Variants in SLC9A4 observed in about 807,000 individuals in gnomAD.
SLC9A4 encodes the protein sodium/hydrogen exchanger 4.
SLC9A4 carries 63 observed loss-of-function variants against 67.4 expected under a neutral mutation model. The ratio of observed to expected loss-of-function variants is 0.93; its 90% CI spans 0.76 to 1.15. The LOEUF (loss-of-function observed/expected upper bound fraction) is 1.15, where lower values mean the gene tolerates loss of function less well. SLC9A4 is among the 50% of genes most tolerant of loss of function. SLC9A4 has a pLI of 0.00. For synonymous variants in SLC9A4, 393 were observed against 367.2 expected (o/e 1.07, Z -0.80); for missense variants, 1,089 against 987.7 (o/e 1.10, Z -1.38).
chr2:102,482,078 G>C (rs1684477117), intron 2 of SLC9A4, among the ~76,000 whole-genome samples: 1 of 152,164 alleles, frequency 6.6e-6, no homozygotes, highest in Non-Finnish European at 1.5e-5. Flanking sequence ...GAATCATCAG[G>C]CTGGTGCATT....
chr2:102,493,753 A>G (rs1042407148), intron 2 of SLC9A4, among the ~76,000 whole-genome samples: 2 of 151,840 alleles, frequency 1.3e-5, no homozygotes, highest in Non-Finnish European at 2.9e-5. Flanking sequence ...CCCACAACTC[A>G]TAGTTGTTCA....
At chr2:102,517,018 GATTGCA>G (rs1334132826) in intron 8 of SLC9A4, among the ~76,000 whole-genome samples, 2 of 152,138 alleles carry the variant, frequency 1.3e-5, no homozygotes, top group African/African-American at 4.8e-5. Context: ...TTTTCTAATG[GATTGCA>G]CATTGACAGG....
At chr2:102,480,357 CTTG>C (rs1417631769) in intron 2 of SLC9A4, among the ~76,000 whole-genome samples, 198 of 147,262 alleles carry the variant, frequency 1.3e-3, no homozygotes, top group African/African-American at 4.8e-3. Flanking sequence ...CTTTCCGTGT[CTTG>C]TTTTTTTTTT....
At chr2:102,491,789 G>T (rs1684707998) in intron 2 of SLC9A4, among the ~76,000 whole-genome samples, 1 of 152,106 alleles carries the variant, frequency 6.6e-6, no homozygotes, top group South Asian at 2.1e-4. Flanking sequence ...ACTCATTTCA[G>T]CATTAACTCA....
chr2:102,524,915 G>T, intron 9 of SLC9A4, 109 bp from the exon 10 acceptor site: 2 of 1,328,022 alleles, frequency 1.5e-6, no homozygotes, highest in Non-Finnish European at 1.1e-6. Flanking sequence ...TGACCTCCAA[G>T]GTGCTCACCT....
Position 102,474,575 on chromosome 2 carries a change from A to G in SLC9A4, c.256+560A>G, listed in dbSNP as rs539631050. Among the ~76,000 whole-genome samples the G allele has an allele frequency of 5.1e-4, 77 of 152,332 alleles. 1 individual carries two copies. The highest frequency in any genetic ancestry group is 6.8e-3 in the Middle Eastern group (2 of 294). The stretch of plus-strand genomic sequence containing the variant: ...ATAAGATTATATCTGTCAGTAAAAT[A>G]TTAGTTTATACCTACCAAGTGGGGC... On this transcript the variant is annotated intron_variant, in intron 1 of 11. Transcript: ENST00000295269.
intron 2 of SLC9A4, among the ~76,000 whole-genome samples, chr2:102,483,121 G>A (rs748867243): frequency 3.3e-5 from 5 of 152,172 alleles, no homozygotes; most frequent in Admixed American, 1.3e-4. Flanking sequence ...TCAAGCTACC[G>A]GAGTATCTGC....
At chr2:102,500,324 G>A (rs772633498) in intron 2 of SLC9A4, among the ~76,000 whole-genome samples, 10 of 152,142 alleles carry the variant, frequency 6.6e-5, no homozygotes, top group African/African-American at 2.2e-4. Context: ...TTCAGGGGGC[G>A]CGTAGCACTG....
rs1685366705 is a variant in SLC9A4 at position 102,519,970 on chromosome 2, C to T, written c.1818+15C>T. On this transcript the variant is annotated intron_variant, in intron 9 of 11. Coordinates refer to ENST00000295269, the MANE Select transcript of SLC9A4 (RefSeq NM_001011552.4). ...TTCGGCAAAGGGTGTGTATGAGCCA[C>T]CTGTGTTGTCCCCATTTTCTGTCCT... 2 of 1,608,716 alleles carry T rather than the reference C, an allele frequency of 1.2e-6. No homozygotes were observed. The highest frequency in any genetic ancestry group is 1.7e-6 in the Non-Finnish European group (2 of 1,175,382).
In SLC9A4 at chr2:102,473,280, G is replaced by C. The variant is rs1684258812; in HGVS notation, c.-480G>C. On this transcript the variant is annotated 5_prime_UTR_variant, in exon 1 of 12. Transcript: ENST00000295269. Reference sequence around the variant, plus strand: ...GAGAGAAGGAACAAGCGCAGATCAGGTAGCTCCTTCTTGGGATCTGATAGA... The same window carrying C: ...GAGAGAAGGAACAAGCGCAGATCAGCTAGCTCCTTCTTGGGATCTGATAGA... 1 of 154,612 alleles carries C rather than the reference G, an allele frequency of 6.5e-6. No individual in the cohort carries two copies. Among genetic ancestry groups the C allele is most frequent in the African/African-American group, 2.4e-5 (1 of 41,462 alleles). The allele number at this position is 154,612 out of a possible 1,614,324, so 9.6% of individuals were successfully genotyped here.
intron 7 of SLC9A4, among the ~76,000 whole-genome samples, chr2:102,513,148 A>G (rs1685200212): frequency 6.6e-6 from 1 of 151,910 alleles, no homozygotes; most frequent in Admixed American, 6.6e-5. Context: ...ATACACAGGA[A>G]CCGCGGCTTC....
At position 102,531,509 on chromosome 2, in the gene SLC9A4, C is replaced by A. The variant is rs556276833; in HGVS notation, c.2039-821C>A. On this transcript the variant is annotated intron_variant, in intron 11 of 11. Transcript: ENST00000295269. ...ATACACCAAGGAGACAGCAAGGAGA[C>A]CTGATGGTAAGAAGTGGATTTGAAG... is the stretch of plus-strand genomic sequence containing the variant. Among the ~76,000 whole-genome samples the A allele has an allele frequency of 1.4e-3, 217 of 152,192 alleles. 1 individual carries two copies. The highest frequency in any genetic ancestry group is 4.6e-3 in the African/African-American group (190 of 41,528).
chr2:102,512,587 C>A (rs1000175109), intron 7 of SLC9A4, among the ~76,000 whole-genome samples: 4 of 152,190 alleles, frequency 2.6e-5, no homozygotes, highest in Admixed American at 6.5e-5. Flanking sequence ...AGCTCTACCA[C>A]GGAATGGCCA....
intron 1 of SLC9A4, 101 bp downstream of exon 1, chr2:102,474,116 A>G: frequency 7.5e-7 from 1 of 1,335,996 alleles, no homozygotes; most frequent in East Asian, 2.3e-5. Context: ...TTTAACTGTT[A>G]CTGCTATTAC....
At chr2:102,499,890 C>T (rs940124582) in intron 2 of SLC9A4, among the ~76,000 whole-genome samples, 2 of 152,146 alleles carry the variant, frequency 1.3e-5, no homozygotes, top group African/African-American at 2.4e-5. Flanking sequence ...AGTTTAAGAC[C>T]TTGTAAAATT....
intron 8 of SLC9A4, among the ~76,000 whole-genome samples, chr2:102,518,305 A>G (rs567970774): frequency 6.6e-6 from 1 of 152,342 alleles, no homozygotes; most frequent in African/African-American, 2.4e-5. Flanking sequence ...TTGTTTCATA[A>G]TGAACACATA....
At chr2:102,480,441 G>A (rs977086298) in intron 2 of SLC9A4, among the ~76,000 whole-genome samples, 5 of 151,382 alleles carry the variant, frequency 3.3e-5, no homozygotes, top group African/African-American at 9.7e-5. Context: ...TCGGCTCACT[G>A]CAACCGTGTC....
intron 2 of SLC9A4, among the ~76,000 whole-genome samples, chr2:102,490,715 C>G (rs1163964420): frequency 6.6e-6 from 1 of 152,168 alleles, no homozygotes; most frequent in Non-Finnish European, 1.5e-5. Flanking sequence ...TCATCTAGAA[C>G]CAAGCTGCTT....
At chr2:102,496,824 G>C (rs1263306131) in intron 2 of SLC9A4, among the ~76,000 whole-genome samples, 1 of 152,248 alleles carries the variant, frequency 6.6e-6, no homozygotes, top group African/African-American at 2.4e-5. Context: ...GGCATTCCCA[G>C]AACTGGGATT....
Sources: gnomAD v4.1 joint callset for allele counts (sites outside exome capture counted in the v4.1 genomes callset) on GRCh38, gnomAD v4.1.1 for gene constraint, MANE v1.5 for transcripts, NCBI Gene and HGNC (gene_info 2026-07-23, HGNC 2026-07-21) for gene names.